PRDM15: variants seen among roughly 807,000 people sequenced by gnomAD.
PRDM15 encodes PR domain zinc finger protein 15.
In PRDM15, 64 loss-of-function variants were observed where a neutral mutation model predicts 128.6. The ratio of observed to expected loss-of-function variants is 0.50; its 90% CI spans 0.41 to 0.61. PRDM15 has a LOEUF of 0.61. PRDM15 is among the 20% of genes least tolerant of loss of function. The pLI is 0.00. For synonymous variants in PRDM15, 615 were observed against 621.8 expected (o/e 0.99, Z 0.16); for missense variants, 1,242 against 1,569.1 (o/e 0.79, Z 3.52).
chr21:41,814,735 T>C (rs2061985352), intron 19 of PRDM15: 1 of 152,152 alleles, frequency 6.6e-6, no homozygotes, highest in African/African-American at 2.5e-5. Flanking sequence ...TGAGAACGAC[T>C]TGTGTTAGTG....
At chr21:41,836,354 A>ACGAG in intron 9 of PRDM15, 114 bp downstream of exon 9, 1 of 1,314,160 alleles carries the variant, frequency 7.6e-7, no homozygotes, top group Non-Finnish European at 1.1e-6. Context: ...GCAGCCTCTC[A>ACGAG]CTGGCGCAGC....
chr21:41,866,010 G>C (rs2063995682), intron 1 of PRDM15, among the ~76,000 whole-genome samples: 1 of 152,076 alleles, frequency 6.6e-6, no homozygotes, highest in African/African-American at 2.4e-5. Flanking sequence ...CTCCCATTTT[G>C]GATTACAGGT....
chr21:41,868,275 C>A (rs1301678841), intron 1 of PRDM15, among the ~76,000 whole-genome samples: 3 of 152,302 alleles, frequency 2.0e-5, no homozygotes, highest in African/African-American at 7.2e-5. Context: ...GGGGCTGTTA[C>A]AAATAAAGCT....
intron 1 of PRDM15, chr21:41,861,534 G>GC (rs201350627): frequency 0.13 from 190,333 of 1,461,434 alleles, 7,222 homozygotes; most frequent in East Asian, 0.3. Context: ...TTCCTCCTCT[G>GC]CCCCCCCCCA....
chr21:41,834,295 G>GC (rs1394231309), intron 11 of PRDM15, among the ~76,000 whole-genome samples: 1 of 152,062 alleles, frequency 6.6e-6, no homozygotes, highest in African/African-American at 2.4e-5. Context: ...CCCACCAAGG[G>GC]CCCCCCGCGC....
intron 7 of PRDM15, 114 bp downstream of exon 7, chr21:41,839,509 G>A (rs2063002076): frequency 1.3e-6 from 1 of 785,234 alleles, no homozygotes; most frequent in Non-Finnish European, 2.2e-6. Flanking sequence ...CTTCCACGAG[G>A]CCTTTCTACA....
Position 41,828,360 on chromosome 21 carries a change from A to T in PRDM15, c.1367-27T>A. On this transcript the variant is annotated intron_variant, in intron 11 of 23. Transcript: ENST00000398548. The surrounding 1 kb of genome is among the most constrained non-coding windows in gnomAD (Gnocchi z 5.7). ...TGTCCAGAGAGCAAACAAACACACA[A>T]CGATTTTGAGGTAAATAACATCTCA... 6.2e-7 allele frequency: 1 copy of T among 1,612,152 alleles called. No individual in the cohort carries two copies.
At chr21:41,840,299 A>T (rs1053791820) in intron 6 of PRDM15, among the ~76,000 whole-genome samples, 19 of 152,210 alleles carry the variant, frequency 1.2e-4, no homozygotes, top group Admixed American at 1.1e-3. Context: ...ACAAAAAGTT[A>T]GCCGGGTGTG....
At chr21:41,819,919 GC>G (rs2062191783) in intron 17 of PRDM15, 175 bp downstream of exon 17, 1 of 766,888 alleles carries the variant, frequency 1.3e-6, no homozygotes, top group African/African-American at 1.7e-5. Flanking sequence ...GGCTGGGGGC[GC>G]TGGGCTGTGA....
Position 41,828,683 on chromosome 21 carries a change from A to G in PRDM15, c.1367-350T>C, listed in dbSNP as rs1393188613. The stretch of plus-strand genomic sequence containing the variant: ...AGTCCAAAGCTTCCCCTGGGCCTGC[A>G]CCCTCCACCCAGCATGACTGACTGA... On this transcript the variant is annotated intron_variant, in intron 11 of 23. Coordinates refer to ENST00000398548, the MANE Select transcript of PRDM15 (RefSeq NM_001040424.3). This position sits in a 1 kb window ranked among gnomAD's most constrained non-coding sequence, Gnocchi z 5.7. Among the ~76,000 whole-genome samples, 3 of 151,878 alleles carry G rather than the reference A, an allele frequency of 2.0e-5. No homozygotes were observed. Among genetic ancestry groups the G allele is most frequent in the African/African-American group, 7.3e-5 (3 of 41,358 alleles).
In PRDM15 at chr21:41,836,482, T is replaced by C; in HGVS notation, c.1169A>G (p.His390Arg). The C allele has an allele frequency of 6.2e-7, 1 of 1,611,550 alleles. No homozygotes were observed. Among genetic ancestry groups the C allele is most frequent in the South Asian group, 1.1e-5 (1 of 90,990 alleles). ...CGCGGACTCACCATGCGAGCGCACG[T>C]GCCTGCTCAGGTTGCTGCTGTTCTG... ...IFQNSSNLSR[H>R]VRSHGDKLFK... The change falls in exon 9 of 24, where the codon CAC (histidine) becomes CGC (arginine). Residue 390 changes from histidine to arginine, a missense_variant. By Grantham distance (29) the His-to-Arg change is conservative (BLOSUM62 0). Around this residue, in one of 3 missense-constraint regions of PRDM15, gnomAD observed 612 missense variants for 717.0 expected, o/e 0.85. Transcript: ENST00000398548.
chr21:41,859,340 G>T lies in PRDM15; in HGVS notation c.131+252C>A. On this transcript the variant is annotated intron_variant, in intron 3 of 23. Transcript: ENST00000398548. This position sits in a 1 kb window ranked among gnomAD's most constrained non-coding sequence, Gnocchi z 5.3. ...CTGCAGCCTCCACACACTGTGTCGG[G>T]AACAGCTGGGCTCCAGCTAAGAACC... 1 of 995,838 alleles carries T rather than the reference G, an allele frequency of 1.0e-6. No homozygotes were observed. The highest frequency in any genetic ancestry group is 1.5e-6 in the Non-Finnish European group (1 of 662,986). 61.7% of individuals were successfully genotyped at this position (995,838 alleles called of 1,614,324 possible).
intron 1 of PRDM15, chr21:41,861,829 G>A (rs2063823964): frequency 6.3e-7 from 1 of 1,580,992 alleles, no homozygotes; most frequent in Non-Finnish European, 8.7e-7. Context: ...AGGAAAGAGA[G>A]TTCCAATTTG....
chr21:41,829,337 A>C (rs1940341281), intron 11 of PRDM15, among the ~76,000 whole-genome samples: 2 of 138,240 alleles, frequency 1.4e-5, no homozygotes, highest in African/African-American at 2.8e-5. Context: ...ACCACACAAA[A>C]ACACATGCCC....
chr21:41,826,548 T>C (rs909865405), intron 12 of PRDM15, among the ~76,000 whole-genome samples: 1 of 152,232 alleles, frequency 6.6e-6, no homozygotes, highest in African/African-American at 2.4e-5. Context: ...ACAACCTTTA[T>C]GGTTTTGAGG....
chr21:41,862,966 C>G lies in PRDM15; in HGVS notation c.-9-2594G>C, dbSNP rs1430835403. Among the ~76,000 whole-genome samples the G allele has an allele frequency of 1.3e-5, 2 of 151,996 alleles. No individual in the cohort carries two copies. Among genetic ancestry groups the G allele is most frequent in the Non-Finnish European group, 2.9e-5 (2 of 68,006 alleles). On this transcript the variant is annotated intron_variant, in intron 1 of 23. Transcript: ENST00000398548. The surrounding 1 kb of genome is among the most constrained non-coding windows in gnomAD (Gnocchi z 4.1). ...GGGCGATCACTTCAGGTCAGGAGTT[C>G]GAGACCAGCCTGGCCGACATGGTGA...
intron 1 of PRDM15, among the ~76,000 whole-genome samples, chr21:41,866,034 C>G (rs1334929048): frequency 6.6e-6 from 1 of 152,128 alleles, no homozygotes; most frequent in Non-Finnish European, 1.5e-5. Flanking sequence ...AGACCCCACG[C>G]CCAGCCTCTA....
At chr21:41,834,642 C>CA in intron 11 of PRDM15, 1 of 1,095,236 alleles carries the variant, frequency 9.1e-7, no homozygotes, top group Non-Finnish European at 1.3e-6. Flanking sequence ...CTTGGGCCTC[C>CA]AGTGCCACCC....
At chr21:41,805,185 C>T (rs964072056) in intron 21 of PRDM15, among the ~76,000 whole-genome samples, 6 of 152,218 alleles carry the variant, frequency 3.9e-5, no homozygotes, top group African/African-American at 1.2e-4. Context: ...CAGCTCAGTG[C>T]GTCCTGCCCA....
Sources: gnomAD v4.1 joint callset for allele counts (sites outside exome capture counted in the v4.1 genomes callset) on GRCh38, gnomAD v4.1.1 for gene constraint, gnomAD v4.1.1 regional missense constraint, Gnocchi (gnomAD v3.1) non-coding constraint, MANE v1.5 for transcripts, NCBI Gene and HGNC (gene_info 2026-07-23, HGNC 2026-07-21) for gene names.